SETX: variants seen among roughly 807,000 people sequenced by gnomAD.
SETX encodes the protein senataxin.
Under a neutral mutation model 227.2 loss-of-function variants are expected in SETX, and 90 were observed. The observed-to-expected ratio is 0.40, with a 90% CI of 0.33 to 0.47. The LOEUF (loss-of-function observed/expected upper bound fraction) is 0.47, where lower values mean the gene tolerates loss of function less well. Among genes scored for constraint, SETX ranks in the 20% least tolerant of loss-of-function variants. The pLI is 0.91. For synonymous variants in SETX, 1,210 were observed against 1,113.2 expected (o/e 1.09, Z -1.73); for missense variants, 3,052 against 3,181.5 (o/e 0.96, Z 0.98).
intron 25 of SETX, 142 bp from the exon 26 acceptor site, chr9:132,265,127 G>A: frequency 9.8e-7 from 1 of 1,015,690 alleles, no homozygotes; most frequent in Admixed American, 2.6e-5. Context: ...CGTCAGACAA[G>A]GATGAAAGGA....
At chr9:132,354,362 G>A (rs2131595017) in intron 1 of SETX, among the ~76,000 whole-genome samples, 1 of 152,046 alleles carries the variant, frequency 6.6e-6, no homozygotes, top group Non-Finnish European at 1.5e-5. Context: ...CGGGCGTGGT[G>A]ACGCGCGCCT....
intron 10 of SETX, among the ~76,000 whole-genome samples, chr9:132,325,743 A>C (rs1323365171): frequency 6.6e-6 from 1 of 151,588 alleles, no homozygotes; most frequent in Non-Finnish European, 1.5e-5. Context: ...GACCAGCCTG[A>C]CCAACATGGT....
At chr9:132,313,849 A>T (rs1400711230) in intron 10 of SETX, among the ~76,000 whole-genome samples, 1 of 151,578 alleles carries the variant, frequency 6.6e-6, no homozygotes, top group South Asian at 2.1e-4. Flanking sequence ...CAATAAAAAG[A>T]AAACAAGCTC....
At chr9:132,355,608 G>A (rs569619125), upstream of SETX, among the ~76,000 whole-genome samples, 549 of 152,348 alleles carry the variant, frequency 3.6e-3, 1 homozygote, top group Non-Finnish European at 6.1e-3. Flanking sequence ...GGGAGGCCCA[G>A]GCGGGAGGCT....
intron 10 of SETX, among the ~76,000 whole-genome samples, chr9:132,319,351 G>A (rs1429998850): frequency 2.0e-5 from 3 of 152,100 alleles, no homozygotes; most frequent in African/African-American, 7.2e-5. Flanking sequence ...TGTAAAAAAC[G>A]TAAACTGGTT....
chr9:132,338,041 T>G (rs1193485207), intron 5 of SETX, among the ~76,000 whole-genome samples: 3 of 151,462 alleles, frequency 2.0e-5, no homozygotes, highest in African/African-American at 7.3e-5. Flanking sequence ...ATGTGTAACC[T>G]GAATCTATGC....
In SETX at chr9:132,327,150, C is replaced by T. The variant is rs1564538354; in HGVS notation, c.4448G>A (p.Gly1483Glu). 8.7e-6 allele frequency: 14 copies of T among 1,614,052 alleles called. No homozygotes were observed. The Admixed American group carries it at 2.3e-4, about 27-fold the overall frequency. The change falls in exon 10 of 26, where the codon GGA (glycine) becomes GAA (glutamate). Residue 1483 changes from glycine to glutamate, a missense_variant. Transcript: ENST00000224140. ...TGCATCACTGCTGGAGTCAGGCTCT[C>T]CTTCTTTCAAAGCTGCCATCTCTAT... Reference protein sequence around the residue: ...RHIEMAALKEGEPDSSSDAEE... With the variant: ...RHIEMAALKEEEPDSSSDAEE...
At chr9:132,317,798 C>T (rs1309635963) in intron 10 of SETX, among the ~76,000 whole-genome samples, 2 of 151,796 alleles carry the variant, frequency 1.3e-5, no homozygotes, top group Non-Finnish European at 2.9e-5. Context: ...ACCTTTCTAG[C>T]TTTTTTTTAT....
chr9:132,274,090 T>A (rs1226586294), intron 23 of SETX, among the ~76,000 whole-genome samples: 1 of 152,214 alleles, frequency 6.6e-6, no homozygotes, highest in Non-Finnish European at 1.5e-5. Context: ...TTGATTTTCA[T>A]ATGTTGAAGC....
At chr9:132,320,997 A>AT (rs1254180245) in intron 10 of SETX, among the ~76,000 whole-genome samples, 1 of 151,704 alleles carries the variant, frequency 6.6e-6, no homozygotes, top group African/African-American at 2.4e-5. Flanking sequence ...ATGACAAGAG[A>AT]TTTTGTCTCT....
intron 10 of SETX, among the ~76,000 whole-genome samples, chr9:132,315,441 G>A (rs1845909959): frequency 6.6e-6 from 1 of 151,966 alleles, no homozygotes; most frequent in African/African-American, 2.4e-5. Context: ...TTCCTTTGAG[G>A]ACTTAAACTC....
intron 25 of SETX, among the ~76,000 whole-genome samples, chr9:132,268,229 C>T (rs894854484): frequency 6.6e-6 from 1 of 152,236 alleles, no homozygotes; most frequent in Non-Finnish European, 1.5e-5. Flanking sequence ...AGGTTGCATG[C>T]ACCCTTCACA....
chr9:132,328,317 T>C lies in SETX; in HGVS notation c.3281A>G (p.Gln1094Arg), dbSNP rs563421722. Residue 1094 changes from glutamine to arginine, a missense_variant, in exon 10 of 26, where the codon CAA becomes CGA. Coordinates refer to ENST00000224140, the MANE Select transcript of SETX (RefSeq NM_015046.7). ...TGAATTATTATCGTCTGGATGATCT[T>C]GCCAAACTGAAAACACTTCAGATGA... is the stretch of plus-strand genomic sequence containing the variant. ...ESSSEVFSVW[Q>R]DHPDDNNSVQ... is the part of the protein sequence containing the mutation. The C allele has an allele frequency of 3.1e-5, 50 of 1,614,072 alleles. No homozygotes were observed. In the African/African-American group the frequency reaches 6.3e-4, roughly 20 times the overall value.
chr9:132,283,725 G>T (rs1348923195), intron 18 of SETX, among the ~76,000 whole-genome samples: 1 of 152,180 alleles, frequency 6.6e-6, no homozygotes, highest in Non-Finnish European at 1.5e-5. Context: ...ATGTAGGTAG[G>T]TATCTGAAGT....
chr9:132,331,815 G>C (rs17148972), intron 7 of SETX, among the ~76,000 whole-genome samples: 6,272 of 152,030 alleles, frequency 0.041, 435 homozygotes, highest in African/African-American at 0.14. Context: ...CCAAAACTTT[G>C]TAGTCCCATC....
chr9:132,313,660 G>A (rs1237693542), intron 10 of SETX, among the ~76,000 whole-genome samples: 3 of 152,116 alleles, frequency 2.0e-5, no homozygotes, highest in Non-Finnish European at 4.4e-5. Flanking sequence ...TAAATTGCAT[G>A]AGCTAGTAGT....
At chr9:132,313,550 TATACTC>T (rs1036724251) in intron 10 of SETX, among the ~76,000 whole-genome samples, 1 of 152,222 alleles carries the variant, frequency 6.6e-6, no homozygotes, top group African/African-American at 2.4e-5. Context: ...CTAATTAACA[TATACTC>T]AATATACTAC....
At chr9:132,274,989 T>A in intron 23 of SETX, 1 of 462,540 alleles carries the variant, frequency 2.2e-6, no homozygotes, top group South Asian at 3.2e-5. Flanking sequence ...GAACAAGTCA[T>A]GGAACTAAAA....
At chr9:132,336,004 G>A (rs1471544840) in intron 6 of SETX, among the ~76,000 whole-genome samples, 1 of 152,178 alleles carries the variant, frequency 6.6e-6, no homozygotes. Flanking sequence ...CACTTTAGGA[G>A]GCCAGGGTGG....
Sources: gnomAD v4.1 joint callset for allele counts (sites outside exome capture counted in the v4.1 genomes callset) on GRCh38, gnomAD v4.1.1 for gene constraint, MANE v1.5 for transcripts, NCBI Gene and HGNC (gene_info 2026-07-23, HGNC 2026-07-21) for gene names.